Variants in SLC35B4 observed in about 807,000 individuals in gnomAD.
SLC35B4 encodes solute carrier family 35 member B4, also known as nucleotide sugar transporter SLC35B4.
Under a neutral mutation model 39.5 loss-of-function variants are expected in SLC35B4, and 28 were observed. That is an observed-to-expected ratio of 0.71 (90% confidence interval 0.53 to 0.97). The LOEUF (loss-of-function observed/expected upper bound fraction) is 0.97. Among genes scored for constraint, SLC35B4 ranks in the 50% least tolerant of loss-of-function variants. The pLI, the probability that SLC35B4 is intolerant of heterozygous loss-of-function variation, is 0.00. For missense variants in SLC35B4, 334 were observed against 414.3 expected (o/e 0.81, Z 1.68); for synonymous variants, 145 against 150.4 (o/e 0.96, Z 0.26).
chr7:134,300,461 T>C (rs1248596094), intron 6 of SLC35B4, among the ~76,000 whole-genome samples, 200 bp from the exon 7 acceptor site: 1 of 152,242 alleles, frequency 6.6e-6, no homozygotes, highest in Non-Finnish European at 1.5e-5. Context: ...TATTCATTTA[T>C]GTAAATTTTT....
intron 6 of SLC35B4, among the ~76,000 whole-genome samples, 168 bp downstream of exon 6, chr7:134,301,593 T>C (rs1178746566): frequency 6.6e-6 from 1 of 152,222 alleles, no homozygotes; most frequent in Non-Finnish European, 1.5e-5. Context: ...ATTTTCTTTT[T>C]TTCATTTCTT....
intron 1 of SLC35B4, among the ~76,000 whole-genome samples, chr7:134,311,589 A>T (rs530050616): frequency 1.6e-4 from 24 of 152,306 alleles, no homozygotes; most frequent in Non-Finnish European, 3.2e-4. Context: ...TGGGAGGTGG[A>T]GGTTGCAGTG....
At position 134,290,507 on chromosome 7, in the gene SLC35B4, C is replaced by T. The variant is rs1253515469; in HGVS notation, c.*4326G>A. On this transcript the variant is annotated 3_prime_UTR_variant, in exon 10 of 10. Transcript: ENST00000378509. ...GACATGATCCCTGGCCCCTCCCATC[C>T]CTGGAATGTCTACTAGGAAGAAGCT... 1 of 152,136 alleles carries T rather than the reference C, an allele frequency of 6.6e-6. No homozygotes were observed. Among genetic ancestry groups the T allele is most frequent in the African/African-American group, 2.4e-5 (1 of 41,422 alleles). 9.4% of individuals were successfully genotyped at this position (152,136 alleles called of 1,614,324 possible). A position where few individuals can be genotyped will look rare whatever the true frequency, so the allele number is the denominator to read the frequency against.
chr7:134,298,870 TTG>T (rs918897674), intron 8 of SLC35B4, among the ~76,000 whole-genome samples: 2 of 152,238 alleles, frequency 1.3e-5, no homozygotes, highest in African/African-American at 4.8e-5. Context: ...TATTTGTTCC[TTG>T]TGTGTTCAAT....
rs1390558839 is a variant in SLC35B4, at chr7:134,291,602, A to G, written c.*3231T>C. 4 of 152,212 alleles carry G rather than the reference A, an allele frequency of 2.6e-5. No homozygotes were observed. Among genetic ancestry groups the G allele is most frequent in the Non-Finnish European group, 5.9e-5 (4 of 68,034 alleles). 9.4% of individuals were successfully genotyped at this position (152,212 alleles called of 1,614,324 possible). A position where few individuals can be genotyped will look rare whatever the true frequency, so the allele number is the denominator to read the frequency against. ...GGTTTACTCTGGGTGGCACAGACCAATTCAGCTTTCATGGTCTTCCTCCGT... is the reference window on the plus strand; with the variant it reads ...GGTTTACTCTGGGTGGCACAGACCAGTTCAGCTTTCATGGTCTTCCTCCGT... On this transcript the variant is annotated 3_prime_UTR_variant, in exon 10 of 10. Transcript: ENST00000378509.
intron 1 of SLC35B4, among the ~76,000 whole-genome samples, chr7:134,314,811 G>C (rs1000055467): frequency 6.6e-6 from 1 of 152,210 alleles, no homozygotes; most frequent in African/African-American, 2.4e-5. Context: ...TGGGATTACA[G>C]GTGTGAGCCA....
chr7:134,303,911 G>A (rs1435413295), intron 4 of SLC35B4, among the ~76,000 whole-genome samples: 1 of 152,148 alleles, frequency 6.6e-6, no homozygotes, highest in African/African-American at 2.4e-5. Flanking sequence ...TGTCCCCCCT[G>A]CTCCTGTCCC....
At chr7:134,315,813 G>GCTA (rs1051130208) in intron 1 of SLC35B4, among the ~76,000 whole-genome samples, 7 of 152,160 alleles carry the variant, frequency 4.6e-5, no homozygotes, top group African/African-American at 1.7e-4. Context: ...GACTTGAAGG[G>GCTA]CTACACAGCC....
chr7:134,294,583 A>G lies in SLC35B4; in HGVS notation c.*250T>C. ...TAATACTGAATATGTCGGTAAACAA[A>G]ACAGAAATAAATGAATGGGCTGTTC... On this transcript the variant is annotated 3_prime_UTR_variant, in exon 10 of 10. Coordinates refer to ENST00000378509, the MANE Select transcript of SLC35B4 (RefSeq NM_032826.5). 3 of 416,930 alleles carry G rather than the reference A, an allele frequency of 7.2e-6. No homozygotes were observed. Among genetic ancestry groups the G allele is most frequent in the Non-Finnish European group, 4.4e-6 (1 of 228,672 alleles). The allele number at this position is 416,930 out of a possible 1,614,324, so 25.8% of individuals were successfully genotyped here.
upstream of SLC35B4, among the ~76,000 whole-genome samples, chr7:134,319,927 C>G (rs544023019): frequency 6.6e-6 from 1 of 152,278 alleles, no homozygotes; most frequent in African/African-American, 2.4e-5. Flanking sequence ...CACTTCTTCT[C>G]CCGTAAAGGC....
At chr7:134,309,244 A>G (rs887202387) in intron 2 of SLC35B4, 122 bp downstream of exon 2, 1 of 588,680 alleles carries the variant, frequency 1.7e-6, no homozygotes, top group Non-Finnish European at 2.9e-6. Flanking sequence ...ATGACTTATT[A>G]TTCTACTGGT....
intron 4 of SLC35B4, among the ~76,000 whole-genome samples, chr7:134,303,820 G>C (rs1803646619): frequency 6.6e-6 from 1 of 152,112 alleles, no homozygotes; most frequent in Admixed American, 6.5e-5. Context: ...CTCCTTAGGA[G>C]TGAGGGGTGA....
intron 2 of SLC35B4, among the ~76,000 whole-genome samples, chr7:134,307,719 T>C (rs949161569): frequency 1.3e-5 from 2 of 152,228 alleles, no homozygotes; most frequent in Admixed American, 1.3e-4. Flanking sequence ...ATGACAGCAC[T>C]GAGTCCTAAG....
At chr7:134,307,244 T>C (rs1475033573) in intron 2 of SLC35B4, among the ~76,000 whole-genome samples, 1 of 152,060 alleles carries the variant, frequency 6.6e-6, no homozygotes, top group Non-Finnish European at 1.5e-5. Flanking sequence ...TCCAAATTAA[T>C]GAGGACATGG....
rs1024613879 is a variant in SLC35B4, at chr7:134,310,584, G to A, written c.78-1105C>T. On this transcript the variant is annotated intron_variant, in intron 1 of 9. Coordinates refer to ENST00000378509, the MANE Select transcript of SLC35B4 (RefSeq NM_032826.5). ...TTTTGAGACAGAGTCTCGCTCTGTC[G>A]CCCAGGCTGGAGTGCAGTGGTGCCA... is the stretch of plus-strand genomic sequence containing the variant. 1.4e-4 allele frequency among the ~76,000 whole-genome samples: 20 copies of A among 145,874 alleles called. No homozygotes were observed. In the East Asian group the frequency reaches 1.4e-3, roughly 10 times the overall value.
At position 134,295,147 on chromosome 7, in the gene SLC35B4, G is replaced by C. The variant is rs183683089; in HGVS notation, c.750-68C>G. 2,924 of 1,566,670 alleles carry C rather than the reference G, an allele frequency of 1.9e-3. 11 individuals carry two copies. Among genetic ancestry groups the C allele is most frequent in the Non-Finnish European group, 1.7e-3 (1,980 of 1,154,104 alleles). The stretch of plus-strand genomic sequence containing the variant: ...GGGGGATCAGTGAGAGAACCTTCTG[G>C]CATGGTCCCTGGTTTAACTTCTCAT... On this transcript the variant is annotated intron_variant, in intron 9 of 9. Transcript: ENST00000378509.
At position 134,294,683 on chromosome 7, in the gene SLC35B4, C is replaced by T; in HGVS notation, c.*150G>A. On this transcript the variant is annotated 3_prime_UTR_variant, in exon 10 of 10. Transcript: ENST00000378509. ...TTTAGTCTACATGTGTCAGTCTGAGCAACGTGAGAAGTCCCCTCCTGAAGA... is the reference window on the plus strand; with the variant it reads ...TTTAGTCTACATGTGTCAGTCTGAGTAACGTGAGAAGTCCCCTCCTGAAGA... 1 of 919,010 alleles carries T rather than the reference C, an allele frequency of 1.1e-6. No individual in the cohort carries two copies. The highest frequency in any genetic ancestry group is 1.6e-6 in the Non-Finnish European group (1 of 622,022). The allele number at this position is 919,010 out of a possible 1,614,324, so 56.9% of individuals were successfully genotyped here.
intron 2 of SLC35B4, 93 bp downstream of exon 2, chr7:134,309,273 A>G: frequency 1.6e-6 from 1 of 635,324 alleles, no homozygotes; most frequent in Non-Finnish European, 2.5e-6. Flanking sequence ...AATAAATCTT[A>G]TAAAAGAATG....
At chr7:134,295,561 T>TA (rs1241780901) in intron 9 of SLC35B4, among the ~76,000 whole-genome samples, 1 of 152,160 alleles carries the variant, frequency 6.6e-6, no homozygotes. Flanking sequence ...ATAACCATTT[T>TA]AAAAAACGAA....
Sources: allele counts gnomAD v4.1 joint callset (sites outside exome capture counted in the v4.1 genomes callset), GRCh38; gene constraint gnomAD v4.1.1; transcripts MANE v1.5; gene names NCBI Gene and HGNC (gene_info 2026-07-23, HGNC 2026-07-21).